The following PIGL variants were observed in gnomAD, a reference collection of about 807,000 sequenced individuals.
PIGL encodes N-acetylglucosaminyl-phosphatidylinositol de-N-acetylase.
PIGL carries 22 observed loss-of-function variants against 31.1 expected under a neutral mutation model. That is an observed-to-expected ratio of 0.71 (90% CI 0.51 to 1.01). The LOEUF is 1.01. Among genes scored for constraint, PIGL ranks in the 50% least tolerant of loss-of-function variants. PIGL has a pLI of 0.00. For missense variants in PIGL, 302 were observed against 315.9 expected, an observed-to-expected ratio of 0.96 and a Z score of 0.33; for synonymous variants, 131 against 117.4, an observed-to-expected ratio of 1.12 and a Z score of -0.75.
chr17:16,318,417 C>G (rs1229419689), intron 6 of PIGL, among the ~76,000 whole-genome samples: 2 of 151,714 alleles, frequency 1.3e-5, no homozygotes, highest in Admixed American at 6.6e-5. Context: ...ATTACAGGCA[C>G]CGCCACCACA....
chr17:16,233,824 C>T (rs908818153), intron 1 of PIGL, 147 bp from the exon 2 acceptor site: 15 of 572,906 alleles, frequency 2.6e-5, no homozygotes, highest in African/African-American at 1.5e-4. Flanking sequence ...ATCTTGGTGT[C>T]GTGTTTTCTT....
intron 6 of PIGL, among the ~76,000 whole-genome samples, chr17:16,320,022 G>A (rs900864695): frequency 6.6e-6 from 1 of 150,994 alleles, no homozygotes; most frequent in Non-Finnish European, 1.5e-5. Flanking sequence ...ATTGTGGCTC[G>A]TGCCTGTAGT....
chr17:16,323,684 C>T (rs1337539958), intron 6 of PIGL, among the ~76,000 whole-genome samples: 1 of 143,104 alleles, frequency 7.0e-6, no homozygotes, highest in African/African-American at 2.6e-5. Context: ...AAGATCTCAG[C>T]TCACTGAAAC....
At chr17:16,316,803 C>T (rs1478728109) in intron 5 of PIGL, 91 bp downstream of exon 5, 25 of 1,579,392 alleles carry the variant, frequency 1.6e-5, no homozygotes, top group Non-Finnish European at 2.2e-5. Context: ...AGAGAGCTGC[C>T]CTCAGCCGAG....
intron 2 of PIGL, among the ~76,000 whole-genome samples, chr17:16,269,693 AAC>A (rs921562914): frequency 6.6e-5 from 10 of 152,130 alleles, no homozygotes; most frequent in Non-Finnish European, 1.3e-4. Flanking sequence ...CATTTGATAA[AAC>A]ACAGATACCT....
chr17:16,224,020 T>C (rs1381732545), intron 1 of PIGL, among the ~76,000 whole-genome samples: 2 of 151,994 alleles, frequency 1.3e-5, no homozygotes, highest in Non-Finnish European at 2.9e-5. Context: ...AGCAGGACCA[T>C]CTTGGCCAAC....
chr17:16,320,372 GGAAA>G (rs912954191), intron 6 of PIGL, among the ~76,000 whole-genome samples: 3 of 134,210 alleles, frequency 2.2e-5, no homozygotes, highest in African/African-American at 8.5e-5. Flanking sequence ...AAGAGAGAGA[GGAAA>G]GAAGGAAGAA....
At chr17:16,229,092 G>C (rs1461043912) in intron 1 of PIGL, among the ~76,000 whole-genome samples, 1 of 152,008 alleles carries the variant, frequency 6.6e-6, no homozygotes, top group East Asian at 1.9e-4. Context: ...ACAACATAGT[G>C]AGATTTCGTC....
intron 4 of PIGL, among the ~76,000 whole-genome samples, chr17:16,313,868 G>A (rs762166701): frequency 2.0e-5 from 3 of 152,058 alleles, no homozygotes; most frequent in African/African-American, 4.8e-5. Flanking sequence ...TGAATACTGC[G>A]AATGGGGTAA....
intron 1 of PIGL, among the ~76,000 whole-genome samples, chr17:16,225,973 A>C (rs2092650330): frequency 6.6e-6 from 1 of 151,004 alleles, no homozygotes; most frequent in African/African-American, 2.4e-5. Flanking sequence ...TTAACCCAAG[A>C]GTTCAGCCTG....
At chr17:16,305,866 A>G (rs2093024060) in intron 3 of PIGL, among the ~76,000 whole-genome samples, 1 of 152,170 alleles carries the variant, frequency 6.6e-6, no homozygotes, top group Non-Finnish European at 1.5e-5. Flanking sequence ...CCACTATTAC[A>G]TCAAACTCCT....
intron 3 of PIGL, among the ~76,000 whole-genome samples, chr17:16,302,886 C>T (rs1292370851): frequency 1.3e-5 from 2 of 152,106 alleles, no homozygotes; most frequent in Admixed American, 6.5e-5. Context: ...TGTGAGCCAC[C>T]GCACCCAGGC....
chr17:16,217,574 A>C, intron 1 of PIGL, 113 bp downstream of exon 1: 1 of 823,226 alleles, frequency 1.2e-6, no homozygotes, highest in East Asian at 2.6e-5. Context: ...AAGTGAATAC[A>C]CCGAAGGTCT....
At chr17:16,254,601 GT>G (rs1273363145) in intron 2 of PIGL, among the ~76,000 whole-genome samples, 2 of 119,124 alleles carry the variant, frequency 1.7e-5, no homozygotes, top group South Asian at 2.4e-4. Flanking sequence ...TTGGTTGGTT[GT>G]TTTTTTGTTT....
intron 3 of PIGL, among the ~76,000 whole-genome samples, chr17:16,310,297 G>T (rs1169713226): frequency 2.9e-5 from 2 of 68,678 alleles, no homozygotes; most frequent in Admixed American, 3.0e-4. Flanking sequence ...GTGTGTGTGT[G>T]TGTGTGTGTG....
At chr17:16,321,758 G>T (rs182054419) in intron 6 of PIGL, among the ~76,000 whole-genome samples, 4 of 150,450 alleles carry the variant, frequency 2.7e-5, no homozygotes, top group East Asian at 3.9e-4. Flanking sequence ...CTGTCTGTCT[G>T]TCTTTCTTTC....
At chr17:16,283,676 T>C (rs1268631756) in intron 2 of PIGL, among the ~76,000 whole-genome samples, 3 of 152,166 alleles carry the variant, frequency 2.0e-5, no homozygotes, top group South Asian at 2.1e-4. Context: ...AAGAGAGAGA[T>C]GTTAATCTAT....
chr17:16,300,050 T>G, intron 3 of PIGL, 72 bp downstream of exon 3: 1 of 1,216,688 alleles, frequency 8.2e-7, no homozygotes, highest in East Asian at 2.3e-5. Flanking sequence ...TTCTGTAATT[T>G]TTTCTGTGGC....
chr17:16,292,815 T>C (rs1349677565), intron 2 of PIGL, among the ~76,000 whole-genome samples: 2 of 152,196 alleles, frequency 1.3e-5, no homozygotes, highest in African/African-American at 4.8e-5. Context: ...TTCATTACTC[T>C]ACTCTGTCTG....
Sources: gnomAD v4.1 joint callset for allele counts (sites outside exome capture counted in the v4.1 genomes callset) on GRCh38, gnomAD v4.1.1 for gene constraint, MANE v1.5 for transcripts, NCBI Gene and HGNC (gene_info 2026-07-23, HGNC 2026-07-21) for gene names.